The following PTPRR variants were observed in gnomAD, a reference collection of about 807,000 sequenced individuals.
The protein encoded by PTPRR is protein tyrosine phosphatase receptor type R, also known as receptor-type tyrosine-protein phosphatase R.
A neutral mutation model predicts 77.2 loss-of-function variants in PTPRR; 38 were observed. The ratio of observed to expected loss-of-function variants is 0.49; its 90% CI spans 0.38 to 0.65. PTPRR has a LOEUF of 0.65. PTPRR is among the 30% of genes least tolerant of loss of function. The pLI, the probability that PTPRR is intolerant of heterozygous loss-of-function variation, is 0.00. For missense variants in PTPRR, 744 were observed against 799.2 expected (o/e 0.93, Z 0.83); for synonymous variants, 299 against 283.1 (o/e 1.06, Z -0.57).
At chr12:70,706,855 A>C (rs1334141787) in intron 6 of PTPRR, among the ~76,000 whole-genome samples, 1 of 152,164 alleles carries the variant, frequency 6.6e-6, no homozygotes, top group African/African-American at 2.4e-5. Flanking sequence ...GAATAATAAT[A>C]AAACTCACAA....
chr12:70,748,501 G>T (rs1890283705), intron 5 of PTPRR, among the ~76,000 whole-genome samples: 2 of 152,140 alleles, frequency 1.3e-5, no homozygotes, highest in Non-Finnish European at 2.9e-5. Context: ...CCAAGAGCTT[G>T]TTTGACTCTT....
At chr12:70,721,753 A>G (rs1345140582) in intron 6 of PTPRR, among the ~76,000 whole-genome samples, 1 of 152,088 alleles carries the variant, frequency 6.6e-6, no homozygotes, top group Non-Finnish European at 1.5e-5. Flanking sequence ...TAGCTTTTCT[A>G]TGGAAGATAC....
intron 6 of PTPRR, among the ~76,000 whole-genome samples, chr12:70,701,923 T>C (rs1289608511): frequency 2.0e-5 from 3 of 152,006 alleles, no homozygotes; most frequent in African/African-American, 4.8e-5. Flanking sequence ...CAGTGAGCCG[T>C]GATGGTGCCA....
chr12:70,677,403 A>C (rs1193778625), intron 10 of PTPRR, among the ~76,000 whole-genome samples: 1 of 151,954 alleles, frequency 6.6e-6, no homozygotes, highest in Non-Finnish European at 1.5e-5. Flanking sequence ...TTTGCCTTTT[A>C]TTTCTTTCTC....
chr12:70,719,632 C>T (rs1204815754), intron 6 of PTPRR, among the ~76,000 whole-genome samples: 1 of 152,108 alleles, frequency 6.6e-6, no homozygotes, highest in Non-Finnish European at 1.5e-5. Flanking sequence ...TGTATCATTA[C>T]TAACAAGCGA....
chr12:70,654,767 T>TAGACC (rs1886517001), intron 13 of PTPRR, among the ~76,000 whole-genome samples: 1 of 152,220 alleles, frequency 6.6e-6, no homozygotes, highest in African/African-American at 2.4e-5. Context: ...TTGCAGCATC[T>TAGACC]AGACCAATGC....
chr12:70,651,205 A>T (rs1187400817), intron 13 of PTPRR, among the ~76,000 whole-genome samples: 1 of 152,030 alleles, frequency 6.6e-6, no homozygotes, highest in Non-Finnish European at 1.5e-5. Context: ...ATTTCCCTTC[A>T]CCAAAACCCA....
At chr12:70,801,336 G>A (rs1278231126) in intron 2 of PTPRR, among the ~76,000 whole-genome samples, 2 of 152,200 alleles carry the variant, frequency 1.3e-5, no homozygotes, top group African/African-American at 4.8e-5. Context: ...GGGTGTGACT[G>A]TGAGGGTGTT....
chr12:70,652,926 G>T (rs1886449334), intron 13 of PTPRR, among the ~76,000 whole-genome samples: 1 of 152,174 alleles, frequency 6.6e-6, no homozygotes, highest in African/African-American at 2.4e-5. Flanking sequence ...GAGCAGGCAA[G>T]AATTAATGGT....
chr12:70,657,871 T>C (rs536296504), intron 12 of PTPRR, among the ~76,000 whole-genome samples: 15 of 152,292 alleles, frequency 9.8e-5, no homozygotes, highest in African/African-American at 3.4e-4. Context: ...TAGACTGTAA[T>C]CACGTTTTCA....
At chr12:70,714,411 C>G (rs1183688321) in intron 6 of PTPRR, among the ~76,000 whole-genome samples, 1 of 152,066 alleles carries the variant, frequency 6.6e-6, no homozygotes, top group East Asian at 1.9e-4. Context: ...GGTTATGTAC[C>G]CTTCTTTCAA....
chr12:70,729,520 AC>A (rs1889579948), intron 6 of PTPRR, among the ~76,000 whole-genome samples: 1 of 152,074 alleles, frequency 6.6e-6, no homozygotes, highest in Non-Finnish European at 1.5e-5. Flanking sequence ...AGTTTTGGGG[AC>A]CACTACTCTA....
In PTPRR at chr12:70,772,059, GC is replaced by G. The variant is rs1388311471; in HGVS notation, c.358-7282del. ...AGTAGTAATAATAACCCTCATTGAA[GC>G]CCCAGCATGATTACTACACTGAAAC... On this transcript the variant is annotated intron_variant, in intron 2 of 13. Transcript: ENST00000283228. Among the ~76,000 whole-genome samples, 30 of 152,072 alleles carry G rather than the reference GC, an allele frequency of 2.0e-4. No homozygotes were observed. In the South Asian group the frequency reaches 2.1e-3, roughly 11 times the overall value.
At chr12:70,844,597 A>T (rs148482592) in intron 2 of PTPRR, among the ~76,000 whole-genome samples, 87 of 152,272 alleles carry the variant, frequency 5.7e-4, no homozygotes, top group African/African-American at 2.0e-3. Flanking sequence ...TCAAGGGCAC[A>T]ATCTTGCAGT....
chr12:70,661,164 T>C (rs1886787073), intron 11 of PTPRR, 67 bp from the exon 12 acceptor site: 3 of 1,544,246 alleles, frequency 1.9e-6, no homozygotes, highest in Admixed American at 1.9e-5. Flanking sequence ...CAAACCACAA[T>C]ACTGAATGCC....
chr12:70,704,346 A>G (rs1888540211), intron 6 of PTPRR, among the ~76,000 whole-genome samples: 1 of 152,010 alleles, frequency 6.6e-6, no homozygotes, highest in African/African-American at 2.4e-5. Flanking sequence ...TGAGCCCAGG[A>G]GTTCGAGGCT....
chr12:70,910,115 G>C (rs1269897244), intron 1 of PTPRR, among the ~76,000 whole-genome samples: 1 of 151,554 alleles, frequency 6.6e-6, no homozygotes, highest in Non-Finnish European at 1.5e-5. Flanking sequence ...TCTTTTCATT[G>C]GTCTTATATT....
rs191988501 is a variant in PTPRR, at chr12:70,820,608, C to T, written c.358-55830G>A. Among the ~76,000 whole-genome samples, 1,333 of 152,362 alleles carry T rather than the reference C, an allele frequency of 8.7e-3. 15 individuals are homozygous for T. The highest frequency in any genetic ancestry group is 0.031 in the Middle Eastern group (9 of 294). On this transcript the variant is annotated intron_variant, in intron 2 of 13. Coordinates refer to ENST00000283228, the MANE Select transcript of PTPRR (RefSeq NM_002849.4). ...TTGGCCTCCCAAAGTGCTGGGATTA[C>T]AGGCGTGAGCCACTGCGCCCAGCCA...
intron 2 of PTPRR, among the ~76,000 whole-genome samples, chr12:70,864,766 C>A (rs989373172): frequency 6.6e-6 from 1 of 152,116 alleles, no homozygotes; most frequent in African/African-American, 2.4e-5. Context: ...TTCCCTCATA[C>A]TGTTCCCATG....
Sources: gnomAD v4.1 joint callset for allele counts (sites outside exome capture counted in the v4.1 genomes callset) on GRCh38, gnomAD v4.1.1 for gene constraint, MANE v1.5 for transcripts, NCBI Gene and HGNC (gene_info 2026-07-23, HGNC 2026-07-21) for gene names.